TDRD5: variants seen among roughly 807,000 people sequenced by gnomAD.
TDRD5 encodes tudor domain-containing protein 5.
In TDRD5, 41 loss-of-function variants were observed where a neutral mutation model predicts 120.6. The ratio of observed to expected loss-of-function variants is 0.34; its 90% CI spans 0.26 to 0.44. The LOEUF is 0.44. Among genes scored for constraint, TDRD5 ranks in the 20% least tolerant of loss-of-function variants. TDRD5 has a pLI of 1.00. For synonymous variants in TDRD5, 430 were observed against 433.7 expected (o/e 0.99, Z 0.11); for missense variants, 1,006 against 1,221.2 (o/e 0.82, Z 2.63).
At chr1:179,688,636 G>A (rs545044258) in intron 17 of TDRD5, among the ~76,000 whole-genome samples, 1 of 152,326 alleles carries the variant, frequency 6.6e-6, no homozygotes, top group African/African-American at 2.4e-5. Context: ...ATCCTGCAGA[G>A]TGTTTTCCAA....
In TDRD5 at chr1:179,662,180, C is replaced by T; in HGVS notation, c.2399C>T (p.Pro800Leu). 6.2e-7 allele frequency: 1 copy of T among 1,612,478 alleles called. No homozygotes were observed. The highest frequency in any genetic ancestry group is 8.5e-7 in the Non-Finnish European group (1 of 1,179,386). ...GATATTTGGGATGAGAACTGGTTAC[C>T]TCTACAGGCTAAGATGGGAAAAGGA... ...GDDIWDENWL[P>L]LQAKMGKGGD... The change falls in exon 15 of 18, where the codon CCT (proline) becomes CTT (leucine). Residue 800 changes from proline to leucine, a missense_variant. By Grantham distance (98) the Pro-to-Leu change is moderately conservative. Coordinates refer to ENST00000444136, the MANE Select transcript of TDRD5 (RefSeq NM_001199085.3).
intron 6 of TDRD5, among the ~76,000 whole-genome samples, chr1:179,630,231 T>C (rs1048156228): frequency 3.4e-4 from 52 of 152,194 alleles, no homozygotes; most frequent in African/African-American, 1.2e-3. Context: ...TCTCCTGATG[T>C]CGTGATCCAC....
intron 9 of TDRD5, 66 bp from the exon 10 acceptor site, chr1:179,639,773 A>C: frequency 6.5e-7 from 1 of 1,538,380 alleles, no homozygotes. Flanking sequence ...GGCTTGATAC[A>C]TTGATAAAAA....
In TDRD5 at chr1:179,675,270, A is replaced by ATTTTTTTTTTTT. The variant is rs879312785; in HGVS notation, c.2860+5868_2860+5869insTTTTTTTTTTTT. 3.4e-4 allele frequency among the ~76,000 whole-genome samples: 20 copies of ATTTTTTTTTTTT among 59,254 alleles called. 1 individual carries two copies. Among genetic ancestry groups the ATTTTTTTTTTTT allele is most frequent in the Non-Finnish European group, 5.2e-4 (15 of 28,776 alleles). 38.9% of individuals were successfully genotyped at this position (59,254 alleles called of 152,430 possible). A position where few individuals can be genotyped will look rare whatever the true frequency, so the allele number is the denominator to read the frequency against. ...TCAAAGAATTTTTATTATTATTATT[A>ATTTTTTTTTTTT]TTATTTTTTTTTTTTTTTTTTTTTT... On this transcript the variant is annotated intron_variant, in intron 17 of 17. Transcript: ENST00000444136.
intron 17 of TDRD5, among the ~76,000 whole-genome samples, chr1:179,678,052 G>A (rs1271070714): frequency 2.6e-5 from 4 of 151,980 alleles, no homozygotes; most frequent in African/African-American, 9.7e-5. Context: ...TCTGAGCTTA[G>A]CCCCTCCTTG....
At position 179,593,732 on chromosome 1, in the gene TDRD5, C is replaced by T; in HGVS notation, c.505C>T (p.Gln169Ter). The change falls in exon 3 of 18, where the codon CAA becomes TAA. Residue 169 changes from glutamine (Q) to a stop codon, truncating the protein, a stop_gained. Transcript: ENST00000444136. LOFTEE classifies it high-confidence loss of function. Reference sequence around the variant, plus strand: ...ATTTGGACGATCATTCCAATACATGCAATATGGATTTCTCTCTATGTTTGA... The same window carrying T: ...ATTTGGACGATCATTCCAATACATGTAATATGGATTTCTCTCTATGTTTGA... Reference protein sequence around the residue: ...KRFGRSFQYMQYGFLSMFEVL... With the variant: ...KRFGRSFQYM The T allele has an allele frequency of 6.2e-7, 1 of 1,614,214 alleles. No homozygotes were observed. The highest frequency in any genetic ancestry group is 8.5e-7 in the Non-Finnish European group (1 of 1,180,046).
intron 12 of TDRD5, among the ~76,000 whole-genome samples, chr1:179,651,387 T>A (rs1200296386): frequency 6.6e-6 from 1 of 152,060 alleles, no homozygotes; most frequent in Non-Finnish European, 1.5e-5. Context: ...TGCTTGAACC[T>A]GGGAGGTGGA....
At chr1:179,646,566 C>T (rs1396223094) in intron 11 of TDRD5, among the ~76,000 whole-genome samples, 1 of 146,066 alleles carries the variant, frequency 6.8e-6, no homozygotes, top group Middle Eastern at 3.2e-3. Flanking sequence ...CCCTGTCTCA[C>T]CACTCCTATT....
intron 13 of TDRD5, among the ~76,000 whole-genome samples, chr1:179,653,107 A>G (rs1678809182): frequency 1.3e-5 from 2 of 152,190 alleles, no homozygotes. Flanking sequence ...TATAGTGAGG[A>G]CTTAATATTT....
At chr1:179,663,216 G>A (rs1679399694) in intron 15 of TDRD5, 132 bp from the exon 16 acceptor site, 3 of 1,058,910 alleles carry the variant, frequency 2.8e-6, no homozygotes, top group Non-Finnish European at 4.0e-6. Context: ...AAGTCAAACT[G>A]ATATAGAAAG....
chr1:179,602,671 A>G (rs1423398695), intron 4 of TDRD5, among the ~76,000 whole-genome samples: 2 of 152,102 alleles, frequency 1.3e-5, no homozygotes, highest in African/African-American at 4.8e-5. Context: ...TGTTTTGTCA[A>G]AGATCAGTTG....
At chr1:179,649,676 A>T (rs1253263327) in intron 11 of TDRD5, among the ~76,000 whole-genome samples, 1 of 152,102 alleles carries the variant, frequency 6.6e-6, no homozygotes, top group Non-Finnish European at 1.5e-5. Context: ...GTTGTTTTAT[A>T]ATTTGTCTAG....
At chr1:179,666,575 G>T (rs751572806) in intron 16 of TDRD5, among the ~76,000 whole-genome samples, 2 of 152,052 alleles carry the variant, frequency 1.3e-5, no homozygotes, top group African/African-American at 2.4e-5. Flanking sequence ...ACCTCCCGAC[G>T]TAATTTGTAG....
chr1:179,681,823 C>T (rs1271396794), intron 17 of TDRD5, among the ~76,000 whole-genome samples: 1 of 149,416 alleles, frequency 6.7e-6, no homozygotes, highest in Non-Finnish European at 1.5e-5. Context: ...CTGTTGCTCA[C>T]TGATACATTT....
chr1:179,628,324 C>CTTT lies in TDRD5; in HGVS notation c.973-2419_973-2417dup, dbSNP rs71569258. Among the ~76,000 whole-genome samples the CTTT allele has an allele frequency of 1.5e-3, 80 of 54,588 alleles. 3 individuals carry two copies. Among genetic ancestry groups the CTTT allele is most frequent in the African/African-American group, 5.0e-3 (69 of 13,732 alleles). 35.8% of individuals were successfully genotyped at this position (54,588 alleles called of 152,430 possible). On this transcript the variant is annotated intron_variant, in intron 6 of 17. Coordinates refer to ENST00000444136, the MANE Select transcript of TDRD5 (RefSeq NM_001199085.3). ...TTATTTATTTCTTTTCTTTTCTTTT[C>CTTT]TTTTTTTTTTTTTTTTTTTTTTTTT...
chr1:179,684,208 C>T, intron 17 of TDRD5, among the ~76,000 whole-genome samples: 1 of 152,120 alleles, frequency 6.6e-6, no homozygotes, highest in East Asian at 1.9e-4. Flanking sequence ...TCCCCACACC[C>T]CACAACAGGC....
At chr1:179,655,600 A>G (rs957265221) in intron 14 of TDRD5, among the ~76,000 whole-genome samples, 10 of 152,130 alleles carry the variant, frequency 6.6e-5, no homozygotes, top group African/African-American at 2.2e-4. Context: ...CTGCTTTGTA[A>G]TCACAGTCTC....
intron 17 of TDRD5, 145 bp downstream of exon 17, chr1:179,669,549 G>A (rs975865202): frequency 1.6e-5 from 16 of 972,916 alleles, no homozygotes; most frequent in Non-Finnish European, 2.2e-5. Context: ...CTTGTTTTAT[G>A]TTTGGGCTCA....
intron 4 of TDRD5, among the ~76,000 whole-genome samples, chr1:179,599,822 T>C (rs1340699976): frequency 6.6e-6 from 1 of 152,162 alleles, no homozygotes; most frequent in East Asian, 1.9e-4. Flanking sequence ...ATAACAGAAC[T>C]GGAAAATTCC....
Sources: gnomAD v4.1 joint callset for allele counts (sites outside exome capture counted in the v4.1 genomes callset) on GRCh38, gnomAD v4.1.1 for gene constraint, MANE v1.5 for transcripts, NCBI Gene and HGNC (gene_info 2026-07-23, HGNC 2026-07-21) for gene names.